The following NEUROD6 variants were observed in gnomAD, a reference collection of about 807,000 sequenced individuals.
NEUROD6 encodes neuronal differentiation 6, also known as neurogenic differentiation factor 6.
A neutral mutation model predicts 24.1 loss-of-function variants in NEUROD6; 5 were observed. The ratio of observed to expected loss-of-function variants is 0.21; its 90% CI spans 0.11 to 0.44. The LOEUF (loss-of-function observed/expected upper bound fraction) is 0.44. NEUROD6 is among the 20% of genes least tolerant of loss of function. The probability of loss-of-function intolerance (pLI) is 0.99; values close to 1 mark genes in which losing one functional copy is unlikely to be tolerated. For synonymous variants in NEUROD6, 182 were observed against 154.1 expected (o/e 1.18, Z -1.34); for missense variants, 325 against 409.5 (o/e 0.79, Z 1.78).
Position 31,338,204 on chromosome 7 carries a change from C to T in NEUROD6, c.*51G>A. 1 of 1,494,286 alleles carries T rather than the reference C, an allele frequency of 6.7e-7. No homozygotes were observed. The allele number at this position is 1,494,286 out of a possible 1,614,324, so 92.6% of individuals were successfully genotyped here. ...CTCAGCCCACAAGCATCTGCTTTGT[C>T]TTAATTAGACAGGGGAGGTGAATGA... is the stretch of plus-strand genomic sequence containing the variant. On this transcript the variant is annotated 3_prime_UTR_variant, in exon 2 of 2. Transcript: ENST00000297142. This position sits in a 1 kb window ranked among gnomAD's most constrained non-coding sequence, Gnocchi z 5.1.
At chr7:31,339,794 T>A (rs1212837881) in intron 1 of NEUROD6, among the ~76,000 whole-genome samples, 1 of 152,180 alleles carries the variant, frequency 6.6e-6, no homozygotes, top group Non-Finnish European at 1.5e-5. Context: ...TTATTTGCTG[T>A]ATCACACAAC....
rs377069346 is a variant in NEUROD6, at chr7:31,339,053, C to T, written c.216G>A (p.Gly72=). Residue 72 remains glycine (G), a synonymous_variant, in exon 2 of 2, where the codon GGG becomes GGA. Coordinates refer to ENST00000297142, the MANE Select transcript of NEUROD6 (RefSeq NM_022728.4). ...EEDREEEDEN[G]LPRRRGLRKK... is the part of the protein sequence containing the mutation. ...TCCTAAGACCCCTCCTTCTAGGCAA[C>T]CCATTTTCATCTTCCTCTTCCCTGT... The T allele has an allele frequency of 6.8e-6, 11 of 1,613,888 alleles. No individual in the cohort carries two copies. Among genetic ancestry groups the T allele is most frequent in the African/African-American group, 1.3e-5 (1 of 74,860 alleles).
In NEUROD6 at chr7:31,337,520, A is replaced by C. The variant is rs1783075118; in HGVS notation, c.*735T>G. ...CCTTAAAAATGTGGGGTGGAAAAAC[A>C]CAATTATACATTGTGATAACAAACC... On this transcript the variant is annotated 3_prime_UTR_variant, in exon 2 of 2. Transcript: ENST00000297142. The C allele has an allele frequency of 6.6e-6, 1 of 152,664 alleles. No individual in the cohort carries two copies. The highest frequency in any genetic ancestry group is 2.4e-5 in the African/African-American group (1 of 41,464). The allele number at this position is 152,664 out of a possible 1,614,324, so 9.5% of individuals were successfully genotyped here. A position where few individuals can be genotyped will look rare whatever the true frequency, so the allele number is the denominator to read the frequency against.
intron 1 of NEUROD6, 80 bp from the exon 2 acceptor site, chr7:31,339,369 C>A (rs986124607): frequency 8.9e-7 from 1 of 1,120,630 alleles, no homozygotes; most frequent in Non-Finnish European, 1.2e-6. Flanking sequence ...ATTATTTAAT[C>A]ATAAGATTAC....
chr7:31,338,888 G>A lies in NEUROD6; in HGVS notation c.381C>T (p.Thr127=). 1.2e-6 allele frequency: 2 copies of A among 1,614,144 alleles called. No individual in the cohort carries two copies. Among genetic ancestry groups the A allele is most frequent in the East Asian group, 2.2e-5 (1 of 44,882 alleles). ...LRKVVPCYSK[T]QKLSKIETLR... ...AAGTCTCTATTTTGGACAGTTTCTGGGTTTTAGAATAACAGGGGACCACTT... is the reference window on the plus strand; with the variant it reads ...AAGTCTCTATTTTGGACAGTTTCTGAGTTTTAGAATAACAGGGGACCACTT... Residue 127 remains threonine, a synonymous_variant, in exon 2 of 2, where the codon ACC becomes ACT. Coordinates refer to ENST00000297142, the MANE Select transcript of NEUROD6 (RefSeq NM_022728.4). The surrounding 1 kb of genome is among the most constrained non-coding windows in gnomAD (Gnocchi z 5.1).
Position 31,338,435 on chromosome 7 carries a change from G to A in NEUROD6, c.834C>T (p.Thr278=). The part of the protein sequence containing the change: ...NGIFSLKQEE[T]LDYGKNYNYG... ...AATTGTAATTTTTACCATAGTCCAA[G>A]GTTTCTTCTTGCTTCAGGGAAAATA... The change falls in exon 2 of 2, where the codon ACC becomes ACT. Residue 278 remains threonine, a synonymous_variant. Coordinates refer to ENST00000297142, the MANE Select transcript of NEUROD6 (RefSeq NM_022728.4). The surrounding 1 kb of genome is among the most constrained non-coding windows in gnomAD (Gnocchi z 5.1). The A allele has an allele frequency of 6.2e-7, 1 of 1,613,986 alleles. No homozygotes were observed. The highest frequency in any genetic ancestry group is 8.5e-7 in the Non-Finnish European group (1 of 1,180,014).
At chr7:31,340,371 C>T (rs921604725) in intron 1 of NEUROD6, among the ~76,000 whole-genome samples, 2 of 152,210 alleles carry the variant, frequency 1.3e-5, no homozygotes, top group South Asian at 2.1e-4. Context: ...CCTCAACACA[C>T]ACATATACAC....
At position 31,338,531 on chromosome 7, in the gene NEUROD6, A is replaced by T; in HGVS notation, c.738T>A (p.Ser246Arg). The change falls in exon 2 of 2, where the codon AGT (serine) becomes AGA (arginine). Residue 246 changes from serine to arginine, a missense_variant. Physicochemically the swap from Ser to Arg is moderately radical, Grantham distance 110. Coordinates refer to ENST00000297142, the MANE Select transcript of NEUROD6 (RefSeq NM_022728.4). The surrounding 1 kb of genome is among the most constrained non-coding windows in gnomAD (Gnocchi z 5.1). ...YCSAYESFYE[S>R]TSPECASPQF... Reference sequence around the variant, plus strand: ...GAGGGCTGGCACACTCAGGGGAAGTACTTTCATAGAAGGATTCATACGCAC... The same window carrying T: ...GAGGGCTGGCACACTCAGGGGAAGTTCTTTCATAGAAGGATTCATACGCAC... 6.2e-7 allele frequency: 1 copy of T among 1,614,164 alleles called. No homozygotes were observed. The highest frequency in any genetic ancestry group is 8.5e-7 in the Non-Finnish European group (1 of 1,180,026).
intron 1 of NEUROD6, 111 bp from the exon 2 acceptor site, chr7:31,339,400 G>A (rs1783101485): frequency 1.2e-6 from 1 of 858,074 alleles, no homozygotes; most frequent in African/African-American, 1.7e-5. Context: ...GAAAAAGACT[G>A]ATTCTGGGCC....
rs1783091660 is a variant in NEUROD6 at position 31,338,507 on chromosome 7, A to G, written c.762T>C (p.Pro254=). 6.2e-7 allele frequency: 1 copy of G among 1,614,096 alleles called. No individual in the cohort carries two copies. The highest frequency in any genetic ancestry group is 8.5e-7 in the Non-Finnish European group (1 of 1,179,988). Reference sequence around the variant, plus strand: ...GAGGACTTAAGGGACCTTCAAACTGAGGGCTGGCACACTCAGGGGAAGTAC... The same window carrying G: ...GAGGACTTAAGGGACCTTCAAACTGGGGGCTGGCACACTCAGGGGAAGTAC... ...YESTSPECAS[P]QFEGPLSPPP... is the part of the protein sequence containing the mutation. The change falls in exon 2 of 2, where the codon CCT becomes CCC. Residue 254 remains proline, a synonymous_variant. Coordinates refer to ENST00000297142, the MANE Select transcript of NEUROD6 (RefSeq NM_022728.4). This position sits in a 1 kb window ranked among gnomAD's most constrained non-coding sequence, Gnocchi z 5.1.
chr7:31,338,204 C>A lies in NEUROD6; in HGVS notation c.*51G>T. 6.7e-7 allele frequency: 1 copy of A among 1,494,286 alleles called. No homozygotes were observed. The highest frequency in any genetic ancestry group is 9.2e-7 in the Non-Finnish European group (1 of 1,084,298). The allele number at this position is 1,494,286 out of a possible 1,614,324, so 92.6% of individuals were successfully genotyped here. A position where few individuals can be genotyped will look rare whatever the true frequency, so the allele number is the denominator to read the frequency against. ...CTCAGCCCACAAGCATCTGCTTTGT[C>A]TTAATTAGACAGGGGAGGTGAATGA... is the stretch of plus-strand genomic sequence containing the variant. On this transcript the variant is annotated 3_prime_UTR_variant, in exon 2 of 2. Coordinates refer to ENST00000297142, the MANE Select transcript of NEUROD6 (RefSeq NM_022728.4). The surrounding 1 kb of genome is among the most constrained non-coding windows in gnomAD (Gnocchi z 5.1).
In NEUROD6 at chr7:31,338,568, T is replaced by A; in HGVS notation, c.701A>T (p.Tyr234Phe). The A allele has an allele frequency of 6.2e-7, 1 of 1,614,174 alleles. No homozygotes were observed. The highest frequency in any genetic ancestry group is 1.1e-5 in the South Asian group (1 of 91,084). ...TLDNSKSMKP[Y>F]NYCSAYESFY... ...GGATTCATACGCACTGCAATAATTG[T>A]AGGGTTTCATGGACTTGGAATTATC... Residue 234 changes from tyrosine (Y) to phenylalanine (F), a missense_variant, in exon 2 of 2, where the codon TAC becomes TTC. Physicochemically the swap from Tyr to Phe is conservative, Grantham distance 22. Around this residue, in one of 3 missense-constraint regions of NEUROD6, gnomAD observed 175 missense variants for 201.3 expected, o/e 0.87. Coordinates refer to ENST00000297142, the MANE Select transcript of NEUROD6 (RefSeq NM_022728.4). This position sits in a 1 kb window ranked among gnomAD's most constrained non-coding sequence, Gnocchi z 5.1.
At position 31,338,320 on chromosome 7, in the gene NEUROD6, C is replaced by T. The variant is rs1342645399; in HGVS notation, c.949G>A (p.Asp317Asn). ...RLPTDSHFPY[D>N]LHLRSQSLTM... ...AGAGATTGGCTGCGCAGATGTAAGT[C>T]GTAAGGGAAGTGGCTGTCGGTGGGC... is the stretch of plus-strand genomic sequence containing the variant. Residue 317 changes from aspartate (D) to asparagine (N), a missense_variant, in exon 2 of 2, where the codon GAC becomes AAC. Asp to Asn is a conservative substitution (Grantham distance 23, BLOSUM62 1). Around this residue, in one of 3 missense-constraint regions of NEUROD6, gnomAD observed 175 missense variants for 201.3 expected, o/e 0.87. Transcript: ENST00000297142. This position sits in a 1 kb window ranked among gnomAD's most constrained non-coding sequence, Gnocchi z 5.1. 1.4e-5 allele frequency: 22 copies of T among 1,613,954 alleles called. No individual in the cohort carries two copies. Among genetic ancestry groups the T allele is most frequent in the East Asian group, 2.2e-5 (1 of 44,884 alleles).
At chr7:31,339,671 CT>C (rs1341063272) in intron 1 of NEUROD6, among the ~76,000 whole-genome samples, 1 of 152,138 alleles carries the variant, frequency 6.6e-6, no homozygotes, top group African/African-American at 2.4e-5. Context: ...TCCAATTCCC[CT>C]GAGCACAAAA....
At chr7:31,339,924 T>C (rs1783105789) in intron 1 of NEUROD6, among the ~76,000 whole-genome samples, 2 of 152,194 alleles carry the variant, frequency 1.3e-5, no homozygotes, top group South Asian at 2.1e-4. Context: ...GGCACTATTT[T>C]CCCAGGCTTC....
Position 31,338,749 on chromosome 7 carries a change from T to C in NEUROD6, c.520A>G (p.Thr174Ala), listed in dbSNP as rs1374179457. Residue 174 changes from threonine (T) to alanine (A), a missense_variant, in exon 2 of 2, where the codon ACA becomes GCA. Thr to Ala is a moderately conservative substitution (Grantham distance 58). Coordinates refer to ENST00000297142, the MANE Select transcript of NEUROD6 (RefSeq NM_022728.4). The surrounding 1 kb of genome is among the most constrained non-coding windows in gnomAD (Gnocchi z 5.1). ...TGCAAGCAGCCTGCCACCAAGTTTG[T>C]AGTTGGCTGGGAAAGACCTTTGCAT... is the stretch of plus-strand genomic sequence containing the variant. ...NLCKGLSQPT[T>A]NLVAGCLQLN... 5 of 1,613,976 alleles carry C rather than the reference T, an allele frequency of 3.1e-6. No homozygotes were observed. Among genetic ancestry groups the C allele is most frequent in the Non-Finnish European group, 4.2e-6 (5 of 1,180,032 alleles).
rs1408050579 is a variant in NEUROD6, at chr7:31,338,589, T to A, written c.680A>T (p.Asn227Ile). Reference sequence around the variant, plus strand: ...ATTGTAGGGTTTCATGGACTTGGAATTATCAAGAGTCCCATGCCCTGGGGG... The same window carrying A: ...ATTGTAGGGTTTCATGGACTTGGAAATATCAAGAGTCCCATGCCCTGGGGG... The part of the protein sequence containing the change: ...TTPPGHGTLD[N>I]SKSMKPYNYC... Residue 227 changes from asparagine (N) to isoleucine (I), a missense_variant, in exon 2 of 2, where the codon AAT (asparagine) becomes ATT (isoleucine). Asn to Ile is a moderately radical substitution (Grantham distance 149). Around this residue, in one of 3 missense-constraint regions of NEUROD6, gnomAD observed 175 missense variants for 201.3 expected, o/e 0.87. Coordinates refer to ENST00000297142, the MANE Select transcript of NEUROD6 (RefSeq NM_022728.4). This position sits in a 1 kb window ranked among gnomAD's most constrained non-coding sequence, Gnocchi z 5.1. The A allele has an allele frequency of 7.4e-6, 12 of 1,614,068 alleles. No homozygotes were observed. Among genetic ancestry groups the A allele is most frequent in the Non-Finnish European group, 1.0e-5 (12 of 1,180,016 alleles).
rs1340730807 is a variant in NEUROD6, at chr7:31,338,926, C to T, written c.343G>A (p.Asp115Asn). ...CAGGGGACCACTTTTCTTAAGTTGT[C>T]CAGAGCGTCGTTGAGGCCGTGCATC... is the stretch of plus-strand genomic sequence containing the variant. ...NRMHGLNDALDNLRKVVPCYS... is the reference protein window; with the variant it reads ...NRMHGLNDALNNLRKVVPCYS... Residue 115 changes from aspartate to asparagine, a missense_variant, in exon 2 of 2, where the codon GAC becomes AAC. Physicochemically the swap from Asp to Asn is conservative, Grantham distance 23. Coordinates refer to ENST00000297142, the MANE Select transcript of NEUROD6 (RefSeq NM_022728.4). The surrounding 1 kb of genome is among the most constrained non-coding windows in gnomAD (Gnocchi z 5.1). 6.2e-7 allele frequency: 1 copy of T among 1,614,016 alleles called. No individual in the cohort carries two copies. Among genetic ancestry groups the T allele is most frequent in the Non-Finnish European group, 8.5e-7 (1 of 1,180,040 alleles).
chr7:31,339,304 G>A lies in NEUROD6; in HGVS notation c.-21-15C>T. ...TCTTAAATTACCTGAAAAAATGCCA[G>A]CACAATATTTAAAGAGTTTTCATTT... On this transcript the variant is annotated splice_polypyrimidine_tract_variant and intron_variant, in intron 1 of 1. Coordinates refer to ENST00000297142, the MANE Select transcript of NEUROD6 (RefSeq NM_022728.4). 1 of 1,546,416 alleles carries A rather than the reference G, an allele frequency of 6.5e-7. No individual in the cohort carries two copies. The highest frequency in any genetic ancestry group is 8.7e-7 in the Non-Finnish European group (1 of 1,151,692).
Sources: gnomAD v4.1 joint callset for allele counts (sites outside exome capture counted in the v4.1 genomes callset) on GRCh38, gnomAD v4.1.1 for gene constraint, gnomAD v4.1.1 regional missense constraint, Gnocchi (gnomAD v3.1) non-coding constraint, MANE v1.5 for transcripts, NCBI Gene and HGNC (gene_info 2026-07-23, HGNC 2026-07-21) for gene names.